The following SHISA9 variants were observed in gnomAD, a reference collection of about 807,000 sequenced individuals.
SHISA9 encodes shisa family member 9.
A neutral mutation model predicts 38.0 loss-of-function variants in SHISA9; 13 were observed. The observed-to-expected ratio is 0.34, with a 90% confidence interval of 0.22 to 0.54. SHISA9 has a LOEUF of 0.54. Among genes scored for constraint, SHISA9 ranks in the 20% least tolerant of loss-of-function variants. The pLI is 0.91. For synonymous variants in SHISA9, 275 were observed against 242.0 expected (o/e 1.14, Z -1.27); for missense variants, 538 against 575.8 (o/e 0.93, Z 0.67).
At chr16:13,248,114 G>A in the SHISA9 span, among the ~76,000 whole-genome samples, 1 of 152,150 alleles carries the variant, frequency 6.6e-6, no homozygotes, top group Non-Finnish European at 1.5e-5. Flanking sequence ...CACCATGCGG[G>A]TCTTAAAGCC....
chr16:12,983,086 T>C (rs1596564095), intron 2 of SHISA9, among the ~76,000 whole-genome samples: 3 of 152,384 alleles, frequency 2.0e-5, no homozygotes, highest in Admixed American at 2.0e-4. Context: ...GGTGTTTTTC[T>C]CTGGGTGCCA....
At chr16:13,382,159 A>C in the SHISA9 span, among the ~76,000 whole-genome samples, 1 of 152,222 alleles carries the variant, frequency 6.6e-6, no homozygotes, top group Admixed American at 6.5e-5. Context: ...ATACGCTTTC[A>C]TTTAGCATTT....
intron 2 of SHISA9, among the ~76,000 whole-genome samples, chr16:13,102,754 A>G (rs1200780467): frequency 1.3e-5 from 2 of 152,144 alleles, no homozygotes; most frequent in African/African-American, 4.8e-5. Flanking sequence ...TTCACTCTCC[A>G]TGACTTGTTT....
chr16:13,562,009 T>A, the SHISA9 span, among the ~76,000 whole-genome samples: 1 of 152,212 alleles, frequency 6.6e-6, no homozygotes, highest in South Asian at 2.1e-4. Context: ...GGTTTGCTTC[T>A]CTGTAGGTGA....
chr16:13,080,576 A>T (rs544765165), intron 2 of SHISA9, among the ~76,000 whole-genome samples: 1 of 152,134 alleles, frequency 6.6e-6, no homozygotes, highest in African/African-American at 2.4e-5. Flanking sequence ...GAGGAGAGCA[A>T]ATTTCCTAAA....
intron 2 of SHISA9, among the ~76,000 whole-genome samples, chr16:12,994,126 A>G (rs757387480): frequency 7.9e-5 from 12 of 152,230 alleles, no homozygotes; most frequent in Non-Finnish European, 1.5e-4. Flanking sequence ...AATAGGAATC[A>G]ACTGGAAACA....
At chr16:13,504,168 C>T in the SHISA9 span, among the ~76,000 whole-genome samples, 1 of 152,104 alleles carries the variant, frequency 6.6e-6, no homozygotes, top group South Asian at 2.1e-4. Context: ...AGACCTTTAC[C>T]TTTAGCCCTT....
At chr16:13,538,556 C>T in the SHISA9 span, among the ~76,000 whole-genome samples, 2 of 152,078 alleles carry the variant, frequency 1.3e-5, no homozygotes, top group East Asian at 3.8e-4. Context: ...TTTCCAAAGG[C>T]AATGTATGTT....
At chr16:13,197,503 G>C (rs1329884005) in intron 2 of SHISA9, 1 of 152,144 alleles carries the variant, frequency 6.6e-6, no homozygotes, top group African/African-American at 2.4e-5. Context: ...GAGTTACACG[G>C]TAGTTACCTT....
At chr16:13,206,045 G>A (rs191444118) in intron 3 of SHISA9, among the ~76,000 whole-genome samples, 30 of 151,744 alleles carry the variant, frequency 2.0e-4, no homozygotes, top group Admixed American at 4.0e-4. Flanking sequence ...GATTACAGGT[G>A]TGAGCTACTG....
intron 2 of SHISA9, among the ~76,000 whole-genome samples, chr16:12,959,965 G>A (rs2141790631): frequency 6.6e-6 from 1 of 152,356 alleles, no homozygotes; most frequent in Middle Eastern, 3.4e-3. Flanking sequence ...ATGTTAAAGT[G>A]CAAAGGTTTC....
At chr16:12,998,242 C>T (rs9931741) in intron 2 of SHISA9, among the ~76,000 whole-genome samples, 5,173 of 152,220 alleles carry the variant, frequency 0.034, 281 homozygotes, top group African/African-American at 0.12. Context: ...CTGGAAGGTC[C>T]ATGCATTAGT....
At chr16:13,375,211 A>G in the SHISA9 span, among the ~76,000 whole-genome samples, 2 of 152,078 alleles carry the variant, frequency 1.3e-5, no homozygotes, top group African/African-American at 2.4e-5. Context: ...TTCTGTTGCC[A>G]TTGCTTTTGG....
At chr16:13,439,675 C>T in the SHISA9 span, among the ~76,000 whole-genome samples, 1 of 152,148 alleles carries the variant, frequency 6.6e-6, no homozygotes, top group African/African-American at 2.4e-5. Context: ...AGGCAGGAGA[C>T]ATGGCTTCTG....
At chr16:13,516,345 G>A in the SHISA9 span, among the ~76,000 whole-genome samples, 2 of 152,190 alleles carry the variant, frequency 1.3e-5, no homozygotes, top group African/African-American at 4.8e-5. Flanking sequence ...GAAAGAACAT[G>A]TTTTTAAATT....
the SHISA9 span, among the ~76,000 whole-genome samples, chr16:13,398,376 G>A: frequency 6.6e-6 from 1 of 152,138 alleles, no homozygotes; most frequent in African/African-American, 2.4e-5. Context: ...TGCACAGGGA[G>A]TTGATACTCC....
the SHISA9 span, among the ~76,000 whole-genome samples, chr16:13,478,118 T>C: frequency 6.6e-6 from 1 of 152,234 alleles, no homozygotes; most frequent in Non-Finnish European, 1.5e-5. Flanking sequence ...TTCCATCCGG[T>C]TGTTTCTTTA....
chr16:13,338,337 A>T, the SHISA9 span, among the ~76,000 whole-genome samples: 13,261 of 152,100 alleles, frequency 0.087, 701 homozygotes, highest in South Asian at 0.21. Context: ...TTTACTTGCA[A>T]CAGAAAAACA....
chr16:13,078,164 C>A (rs980863311), intron 2 of SHISA9, among the ~76,000 whole-genome samples: 2 of 152,154 alleles, frequency 1.3e-5, no homozygotes, highest in African/African-American at 4.8e-5. Context: ...TACACAGTTG[C>A]CTCTTAGTAT....
Sources: allele counts gnomAD v4.1 joint callset (sites outside exome capture counted in the v4.1 genomes callset), GRCh38; gene constraint gnomAD v4.1.1; transcripts MANE v1.5; gene names NCBI Gene and HGNC (gene_info 2026-07-23, HGNC 2026-07-21).